TTC28: variants seen among roughly 807,000 people sequenced by gnomAD.
The protein encoded by TTC28 is tetratricopeptide repeat protein 28.
TTC28 carries 61 observed loss-of-function variants against 198.0 expected under a neutral mutation model. The ratio of observed to expected loss-of-function variants is 0.31; its 90% CI spans 0.25 to 0.38. TTC28 has a LOEUF of 0.38. Among genes scored for constraint, TTC28 ranks in the 10% least tolerant of loss-of-function variants. The pLI, the probability that TTC28 is intolerant of heterozygous loss-of-function variation, is 1.00. For synonymous variants in TTC28, 1,171 were observed against 1,297.8 expected, an observed-to-expected ratio of 0.90 and a Z score of 2.10; for missense variants, 2,678 against 3,164.0, an observed-to-expected ratio of 0.85 and a Z score of 3.69.
Position 28,228,413 on chromosome 22 carries a change from T to C in TTC28, c.934-64814A>G, listed in dbSNP as rs570508152. Among the ~76,000 whole-genome samples, 143 of 152,284 alleles carry C rather than the reference T, an allele frequency of 9.4e-4. 1 individual carries two copies. Among genetic ancestry groups the C allele is most frequent in the African/African-American group, 3.2e-3 (135 of 41,552 alleles). Reference sequence around the variant, plus strand: ...AATAAAAATAAATTTTAAAAATACATGTTTGGCCAGGTGCGGTAGCTCATG... The same window carrying C: ...AATAAAAATAAATTTTAAAAATACACGTTTGGCCAGGTGCGGTAGCTCATG... On this transcript the variant is annotated intron_variant, in intron 5 of 22. Transcript: ENST00000397906.
At chr22:28,296,453 A>C in intron 4 of TTC28, 125 bp from the exon 5 acceptor site, 2 of 888,160 alleles carry the variant, frequency 2.3e-6, no homozygotes, top group Non-Finnish European at 3.1e-6. Context: ...CTTATCTTCT[A>C]TTAGAAAAGT....
chr22:28,519,181 T>C (rs2048849931), intron 2 of TTC28, among the ~76,000 whole-genome samples: 1 of 152,154 alleles, frequency 6.6e-6, no homozygotes, highest in South Asian at 2.1e-4. Flanking sequence ...GACTGAAAAT[T>C]TTTAACAATC....
intron 2 of TTC28, among the ~76,000 whole-genome samples, chr22:28,483,887 T>C (rs990078696): frequency 6.6e-6 from 1 of 152,238 alleles, no homozygotes; most frequent in Non-Finnish European, 1.5e-5. Flanking sequence ...TTACTTCCTC[T>C]GGATCTCAAA....
chr22:27,982,456 T>G lies in TTC28; in HGVS notation c.7211A>C (p.Lys2404Thr). The change falls in exon 23 of 23, where the codon AAG becomes ACG. Residue 2404 changes from lysine (K) to threonine (T), a missense_variant. By Grantham distance (78) the Lys-to-Thr change is moderately conservative. This residue lies in a region of TTC28 where 622 missense variants were observed against 656.0 expected (regional missense o/e 0.95). Coordinates refer to ENST00000397906, the MANE Select transcript of TTC28 (RefSeq NM_001145418.2). This position sits in a 1 kb window ranked among gnomAD's most constrained non-coding sequence, Gnocchi z 5.2. ...LLNLSPRHNK[K>T]EEGVDKLELK... ...TTCAAGCTTATCCACTCCCTCCTCC[T>G]TCTTATTGTGCCGTGGTGACAAATT... 6.4e-7 allele frequency: 1 copy of G among 1,551,306 alleles called. No individual in the cohort carries two copies. Among genetic ancestry groups the G allele is most frequent in the Non-Finnish European group, 8.7e-7 (1 of 1,146,832 alleles).
At chr22:28,328,524 C>T (rs1466132687) in intron 2 of TTC28, among the ~76,000 whole-genome samples, 5 of 151,908 alleles carry the variant, frequency 3.3e-5, no homozygotes, top group East Asian at 1.9e-4. Flanking sequence ...GAGGCCGAGG[C>T]GGGTGGATCA....
chr22:28,646,213 GTT>G (rs1179327525), intron 1 of TTC28, among the ~76,000 whole-genome samples: 1 of 152,136 alleles, frequency 6.6e-6, no homozygotes, highest in Non-Finnish European at 1.5e-5. Flanking sequence ...AGGGTTTCAG[GTT>G]GCAAAATCGA....
intron 5 of TTC28, among the ~76,000 whole-genome samples, chr22:28,253,350 T>C (rs1443654436): frequency 6.6e-6 from 1 of 152,224 alleles, no homozygotes; most frequent in Admixed American, 6.5e-5. Flanking sequence ...AGAGATTTTA[T>C]TCACATTCCA....
At chr22:28,627,557 G>A (rs765951210) in intron 2 of TTC28, among the ~76,000 whole-genome samples, 49 of 150,088 alleles carry the variant, frequency 3.3e-4, no homozygotes, top group Non-Finnish European at 6.5e-4. Flanking sequence ...TCAACCTCCC[G>A]AGTAGCTGGG....
chr22:28,660,897 C>A (rs1353386000), intron 1 of TTC28, among the ~76,000 whole-genome samples: 1 of 151,634 alleles, frequency 6.6e-6, no homozygotes, highest in Non-Finnish European at 1.5e-5. Context: ...ACCTCATGAT[C>A]TGAGAAAAGG....
At chr22:28,282,805 A>G (rs905153164) in intron 5 of TTC28, among the ~76,000 whole-genome samples, 3 of 152,204 alleles carry the variant, frequency 2.0e-5, no homozygotes, top group Non-Finnish European at 4.4e-5. Flanking sequence ...GAAAAATATA[A>G]TAGATGGAGT....
rs1388195784 is a variant in TTC28, at chr22:28,594,463, G to C, written c.381+35089C>G. Reference sequence around the variant, plus strand: ...CCATAAATTGAGAATCACTGAAGCAGCAAGCCACTGTTAGGATTTTAAGTT... The same window carrying C: ...CCATAAATTGAGAATCACTGAAGCACCAAGCCACTGTTAGGATTTTAAGTT... On this transcript the variant is annotated intron_variant, in intron 2 of 22. Coordinates refer to ENST00000397906, the MANE Select transcript of TTC28 (RefSeq NM_001145418.2). 2.0e-5 allele frequency among the ~76,000 whole-genome samples: 3 copies of C among 151,920 alleles called. No individual in the cohort carries two copies. The East Asian group carries it at 5.8e-4, about 29-fold the overall frequency.
At chr22:28,437,331 C>T (rs1212524835) in intron 2 of TTC28, among the ~76,000 whole-genome samples, 3 of 152,096 alleles carry the variant, frequency 2.0e-5, no homozygotes, top group African/African-American at 4.8e-5. Flanking sequence ...GATCCACGCG[C>T]CTCAGCCTCC....
chr22:28,320,126 C>T (rs2045422380), intron 2 of TTC28, among the ~76,000 whole-genome samples: 1 of 152,092 alleles, frequency 6.6e-6, no homozygotes, highest in Admixed American at 6.6e-5. Flanking sequence ...CCATATTGCT[C>T]AGGACCAGGA....
At chr22:28,514,849 G>C (rs1197087192) in intron 2 of TTC28, among the ~76,000 whole-genome samples, 1 of 152,112 alleles carries the variant, frequency 6.6e-6, no homozygotes, top group Non-Finnish European at 1.5e-5. Context: ...CAAAGCAATA[G>C]GTCAGTCTTG....
At chr22:28,267,719 T>G (rs189923479) in intron 5 of TTC28, among the ~76,000 whole-genome samples, 2 of 152,274 alleles carry the variant, frequency 1.3e-5, no homozygotes, top group African/African-American at 2.4e-5. Flanking sequence ...ACACATGAAT[T>G]AAACCTGCAG....
chr22:28,476,623 T>C (rs1033652629), intron 2 of TTC28, among the ~76,000 whole-genome samples: 2 of 152,226 alleles, frequency 1.3e-5, no homozygotes, highest in African/African-American at 4.8e-5. Context: ...GGCATTTCTA[T>C]AAATCTACTA....
rs372673417 is a variant in TTC28, at chr22:27,983,721, C to T, written c.5946G>A (p.Ala1982=). Residue 1982 remains alanine, a synonymous_variant, in exon 23 of 23, where the codon GCG becomes GCA. Coordinates refer to ENST00000397906, the MANE Select transcript of TTC28 (RefSeq NM_001145418.2). The stretch of plus-strand genomic sequence containing the variant: ...AGATGGCATCTGAGGCGATGCTGTC[C>T]GCACCGGTGGGAGAGAAGGGGGGTT... ...YQQPPFSPTG[A]DSIASDAISV... is the part of the protein sequence containing the mutation. 65 of 1,551,216 alleles carry T rather than the reference C, an allele frequency of 4.2e-5. No homozygotes were observed. Among genetic ancestry groups the T allele is most frequent in the Admixed American group, 2.6e-4 (13 of 50,932 alleles).
intron 2 of TTC28, among the ~76,000 whole-genome samples, chr22:28,342,714 T>C (rs997046544): frequency 6.6e-6 from 1 of 152,194 alleles, no homozygotes; most frequent in African/African-American, 2.4e-5. Context: ...CAATCAAATT[T>C]ACATTTTAGA....
chr22:28,149,531 A>C (rs764662134), intron 6 of TTC28, among the ~76,000 whole-genome samples: 4 of 152,260 alleles, frequency 2.6e-5, no homozygotes, highest in Non-Finnish European at 4.4e-5. Flanking sequence ...GATATATGTG[A>C]AATCTAAAAA....
Sources: allele counts gnomAD v4.1 joint callset (sites outside exome capture counted in the v4.1 genomes callset), GRCh38; gene constraint gnomAD v4.1.1; regional missense constraint gnomAD v4.1.1; non-coding constraint Gnocchi (gnomAD v3.1); transcripts MANE v1.5; gene names NCBI Gene and HGNC (gene_info 2026-07-23, HGNC 2026-07-21).